HSPG2: variants seen among roughly 807,000 people sequenced by gnomAD.
The protein encoded by HSPG2 is heparan sulfate proteoglycan 2, also known as basement membrane-specific heparan sulfate proteoglycan core protein.
Under a neutral mutation model 526.6 loss-of-function variants are expected in HSPG2, and 278 were observed. The ratio of observed to expected loss-of-function variants is 0.53; its 90% CI spans 0.48 to 0.58. HSPG2 has a LOEUF of 0.58. HSPG2 is among the 20% of genes least tolerant of loss of function. HSPG2 has a pLI of 0.00. For missense variants in HSPG2, 5,354 were observed against 6,099.5 expected, an observed-to-expected ratio of 0.88 and a Z score of 4.07; for synonymous variants, 2,465 against 2,555.4, an observed-to-expected ratio of 0.96 and a Z score of 1.07.
chr1:21,842,188 A>C, intron 68 of HSPG2, 46 bp from the exon 69 acceptor site: 1 of 1,612,898 alleles, frequency 6.2e-7, no homozygotes, highest in Non-Finnish European at 8.5e-7. Flanking sequence ...GGGTGGGCTT[A>C]GCTTCAGGGC....
At position 21,861,824 on chromosome 1, in the gene HSPG2, T is replaced by C; in HGVS notation, c.4888A>G (p.Ser1630Gly). ...CAGCGGTACCCGCCGGCTCCCAGGC[T>C]CTCACAGGTGCGGGAAAACCTGGGA... is the stretch of plus-strand genomic sequence containing the variant. ...PENMFSRTCESLGAGGYRCTA... is the reference protein window; with the variant it reads ...PENMFSRTCEGLGAGGYRCTA... Residue 1630 changes from serine (S) to glycine (G), a missense_variant, in exon 39 of 97, where the codon AGC becomes GGC. Ser to Gly is a moderately conservative substitution (Grantham distance 56, BLOSUM62 0). Transcript: ENST00000374695. 2 of 1,613,748 alleles carry C rather than the reference T, an allele frequency of 1.2e-6. No homozygotes were observed. The highest frequency in any genetic ancestry group is 1.7e-6 in the Non-Finnish European group (2 of 1,180,018).
At chr1:21,823,979 T>C (rs1255678805) in intron 95 of HSPG2, 142 bp downstream of exon 95, 1 of 904,006 alleles carries the variant, frequency 1.1e-6, no homozygotes, top group Non-Finnish European at 1.8e-6. Context: ...GCCCGAGCCC[T>C]GGCTGGTGGG....
chr1:21,824,065 C>A lies in HSPG2; in HGVS notation c.12899+56G>T, dbSNP rs1177370294. The A allele has an allele frequency of 2.0e-6, 3 of 1,478,218 alleles. No individual in the cohort carries two copies. Among genetic ancestry groups the A allele is most frequent in the African/African-American group, 2.8e-5 (2 of 72,432 alleles). The allele number at this position is 1,478,218 out of a possible 1,614,324, so 91.6% of individuals were successfully genotyped here. On this transcript the variant is annotated intron_variant, in intron 95 of 96. Transcript: ENST00000374695. The surrounding 1 kb of genome is among the most constrained non-coding windows in gnomAD (Gnocchi z 5.9). ...CCTCTCTGCCCATGGTAGGGGGCGT[C>A]CTGCCCCACTCCAGAACGCTGGGCC...
Position 21,824,880 on chromosome 1 carries a change from G to C in HSPG2, c.12590-101C>G. On this transcript the variant is annotated intron_variant, in intron 91 of 96. Coordinates refer to ENST00000374695, the MANE Select transcript of HSPG2 (RefSeq NM_005529.7). This position sits in a 1 kb window ranked among gnomAD's most constrained non-coding sequence, Gnocchi z 5.9. ...ACCTCCACGCCAACATGCAGGACTAGGGGGCTCCGAGCCTGCAGTCCCTGG... is the reference window on the plus strand; with the variant it reads ...ACCTCCACGCCAACATGCAGGACTACGGGGCTCCGAGCCTGCAGTCCCTGG... 8.9e-7 allele frequency: 1 copy of C among 1,121,446 alleles called. No individual in the cohort carries two copies. Among genetic ancestry groups the C allele is most frequent in the Non-Finnish European group, 1.3e-6 (1 of 757,650 alleles). The allele number at this position is 1,121,446 out of a possible 1,614,324, so 69.5% of individuals were successfully genotyped here. A position where few individuals can be genotyped will look rare whatever the true frequency, so the allele number is the denominator to read the frequency against.
chr1:21,903,516 G>A (rs1022540879), intron 1 of HSPG2, among the ~76,000 whole-genome samples: 1 of 152,090 alleles, frequency 6.6e-6, no homozygotes, highest in Non-Finnish European at 1.5e-5. Context: ...CAGGAGAATC[G>A]TTTAACCCAG....
intron 1 of HSPG2, among the ~76,000 whole-genome samples, chr1:21,935,902 G>T (rs1181111924): frequency 6.6e-6 from 1 of 152,028 alleles, no homozygotes; most frequent in Non-Finnish European, 1.5e-5. Context: ...GGGGATGGGG[G>T]AGGAGAAGTG....
At chr1:21,934,682 G>A (rs1300228324) in intron 1 of HSPG2, among the ~76,000 whole-genome samples, 24 of 151,700 alleles carry the variant, frequency 1.6e-4, no homozygotes, top group Middle Eastern at 3.4e-3. Flanking sequence ...TGCAAGCTCC[G>A]CCTCCCGGGT....
intron 1 of HSPG2, 139 bp downstream of exon 1, chr1:21,937,015 CG>C (rs1388354167): frequency 5.1e-6 from 1 of 194,518 alleles, no homozygotes; most frequent in Non-Finnish European, 9.6e-6. Context: ...GGGTCCCCGG[CG>C]GGCGCCGCCG....
chr1:21,912,131 C>G (rs937143000), intron 1 of HSPG2, among the ~76,000 whole-genome samples: 4 of 152,134 alleles, frequency 2.6e-5, no homozygotes, highest in Admixed American at 2.6e-4. Context: ...TGGGCACATG[C>G]CACCCCATAC....
rs375390882 is a variant in HSPG2, at chr1:21,846,494, T to A, written c.8270A>T (p.Gln2757Leu). The A allele has an allele frequency of 1.2e-6, 2 of 1,613,738 alleles. No individual in the cohort carries two copies. Among genetic ancestry groups the A allele is most frequent in the Non-Finnish European group, 1.7e-6 (2 of 1,180,040 alleles). Residue 2757 changes from glutamine (Q) to leucine (L), a missense_variant, in exon 63 of 97, where the codon CAG becomes CTG. Coordinates refer to ENST00000374695, the MANE Select transcript of HSPG2 (RefSeq NM_005529.7). ...NCVVPGQAHAQVTWHKRGGSL... is the reference protein window; with the variant it reads ...NCVVPGQAHALVTWHKRGGSL... ...GCCCCCACGCTTGTGCCAAGTGACC[T>A]GGGCATGGGCCTGCCCGGGGACCAC... is the stretch of plus-strand genomic sequence containing the variant.
At chr1:21,875,228 G>A (rs1034224399) in intron 25 of HSPG2, 20 of 614,078 alleles carry the variant, frequency 3.3e-5, no homozygotes, top group East Asian at 1.1e-4. Context: ...ATACCACCTC[G>A]TTCCCCTGGG....
chr1:21,892,222 C>T (rs755131921), intron 3 of HSPG2, among the ~76,000 whole-genome samples: 7 of 152,176 alleles, frequency 4.6e-5, no homozygotes, highest in Non-Finnish European at 7.4e-5. Flanking sequence ...GCCGGGTGGG[C>T]GGGGCTCTGT....
chr1:21,899,051 G>T (rs149818879), intron 1 of HSPG2, among the ~76,000 whole-genome samples: 37 of 152,250 alleles, frequency 2.4e-4, no homozygotes, highest in African/African-American at 8.7e-4. Context: ...GCCAGAGCAC[G>T]TCGGGACTTG....
chr1:21,884,418 A>G (rs900558672), intron 13 of HSPG2, 110 bp downstream of exon 13: 26 of 1,432,598 alleles, frequency 1.8e-5, no homozygotes, highest in Non-Finnish European at 2.5e-5. Flanking sequence ...AGCGACTCAC[A>G]TTCCTTCCCG....
Position 21,829,328 on chromosome 1 carries a change from G to A in HSPG2, c.11992+55C>T, listed in dbSNP as rs1018841503. 27 of 1,559,490 alleles carry A rather than the reference G, an allele frequency of 1.7e-5. 1 individual carries two copies. Among genetic ancestry groups the A allele is most frequent in the Admixed American group, 1.3e-4 (8 of 59,922 alleles). On this transcript the variant is annotated intron_variant, in intron 87 of 96. Coordinates refer to ENST00000374695, the MANE Select transcript of HSPG2 (RefSeq NM_005529.7). ...ATGCCTCCCTGGGGCTTGAAGAGCC[G>A]AGGGGGGCACAAGGCTTGGTGTGCA...
chr1:21,927,152 G>C (rs1422218637), intron 1 of HSPG2, among the ~76,000 whole-genome samples: 1 of 152,208 alleles, frequency 6.6e-6, no homozygotes, highest in African/African-American at 2.4e-5. Flanking sequence ...CACCTCTGAA[G>C]TCCTCCCCAG....
Position 21,875,096 on chromosome 1 carries a change from G to A in HSPG2, c.3303-94C>T, listed in dbSNP as rs543115905. ...CTGGCAGGGTCTTATTAGTCCTCCCGACAGCCCTGTCACAGTGCTGCTGGG... is the reference window on the plus strand; with the variant it reads ...CTGGCAGGGTCTTATTAGTCCTCCCAACAGCCCTGTCACAGTGCTGCTGGG... On this transcript the variant is annotated intron_variant, in intron 25 of 96. Transcript: ENST00000374695. 486 of 914,556 alleles carry A rather than the reference G, an allele frequency of 5.3e-4. 2 individuals are homozygous for A. Among genetic ancestry groups the A allele is most frequent in the South Asian group, 7.4e-4 (53 of 71,628 alleles). The allele number at this position is 914,556 out of a possible 1,614,324, so 56.7% of individuals were successfully genotyped here.
At chr1:21,930,211 G>A (rs1053478533) in intron 1 of HSPG2, among the ~76,000 whole-genome samples, 15 of 152,138 alleles carry the variant, frequency 9.9e-5, no homozygotes, top group Non-Finnish European at 1.8e-4. Context: ...TGCCTGGAAT[G>A]CCCTTTCCAT....
chr1:21,890,404 G>A lies in HSPG2; in HGVS notation c.413+23C>T. The A allele has an allele frequency of 1.9e-6, 3 of 1,611,240 alleles. No homozygotes were observed. Among genetic ancestry groups the A allele is most frequent in the Non-Finnish European group, 2.5e-6 (3 of 1,177,618 alleles). ...GGTTACCCGCTCAAGTCCCCCAGCA[G>A]CCCCCAGGGAGCCCCTTCTCACTTG... On this transcript the variant is annotated intron_variant, in intron 5 of 96. Coordinates refer to ENST00000374695, the MANE Select transcript of HSPG2 (RefSeq NM_005529.7). This position sits in a 1 kb window ranked among gnomAD's most constrained non-coding sequence, Gnocchi z 4.1.
Sources: gnomAD v4.1 joint callset for allele counts (sites outside exome capture counted in the v4.1 genomes callset) on GRCh38, gnomAD v4.1.1 for gene constraint, Gnocchi (gnomAD v3.1) non-coding constraint, MANE v1.5 for transcripts, NCBI Gene and HGNC (gene_info 2026-07-23, HGNC 2026-07-21) for gene names.